The following CDK14 variants were observed in gnomAD, a reference collection of about 807,000 sequenced individuals.
CDK14 encodes cyclin dependent kinase 14.
A neutral mutation model predicts 60.7 loss-of-function variants in CDK14; 34 were observed. The ratio of observed to expected loss-of-function variants is 0.56; its 90% CI spans 0.43 to 0.75. The LOEUF (loss-of-function observed/expected upper bound fraction) is 0.75, where lower values mean the gene tolerates loss of function less well. Among genes scored for constraint, CDK14 ranks in the 30% least tolerant of loss-of-function variants. CDK14 has a pLI of 0.00. For synonymous variants in CDK14, 197 were observed against 203.7 expected, an observed-to-expected ratio of 0.97 and a Z score of 0.28; for missense variants, 482 against 564.1, an observed-to-expected ratio of 0.85 and a Z score of 1.47.
intron 14 of CDK14, among the ~76,000 whole-genome samples, chr7:91,182,967 A>C (rs1802048963): frequency 6.6e-6 from 1 of 152,242 alleles, no homozygotes; most frequent in Non-Finnish European, 1.5e-5. Context: ...AGAGCTTTCC[A>C]AGGCATATCC....
At chr7:90,975,752 CT>C (rs1795052275) in intron 9 of CDK14, among the ~76,000 whole-genome samples, 1 of 151,998 alleles carries the variant, frequency 6.6e-6, no homozygotes, top group South Asian at 2.1e-4. Context: ...ATGACATTGA[CT>C]TTTTTTAGCT....
At chr7:90,984,738 T>C (rs531593192) in intron 10 of CDK14, among the ~76,000 whole-genome samples, 1 of 152,338 alleles carries the variant, frequency 6.6e-6, no homozygotes, top group East Asian at 1.9e-4. Context: ...TAGTGGGCTG[T>C]ACCCTTGATA....
rs183168732 is a variant in CDK14, at chr7:90,679,930, T to C, written c.124-46637T>C. On this transcript the variant is annotated intron_variant, in intron 2 of 14. Coordinates refer to ENST00000380050, the MANE Select transcript of CDK14 (RefSeq NM_001287135.2). Reference sequence around the variant, plus strand: ...GAATGTCTCCAACTCAAAAATGTGTTGTGGCTCTCGGAGACTATTGTCTTC... The same window carrying C: ...GAATGTCTCCAACTCAAAAATGTGTCGTGGCTCTCGGAGACTATTGTCTTC... 2.3e-3 allele frequency among the ~76,000 whole-genome samples: 355 copies of C among 152,324 alleles called. 1 individual carries two copies. Among genetic ancestry groups the C allele is most frequent in the African/African-American group, 8.1e-3 (336 of 41,592 alleles).
chr7:90,812,616 A>G (rs1789177117), intron 5 of CDK14, among the ~76,000 whole-genome samples: 1 of 152,166 alleles, frequency 6.6e-6, no homozygotes, highest in African/African-American at 2.4e-5. Context: ...TTAAAGTATA[A>G]TAATAATAAA....
chr7:90,726,858 G>A (rs1309685934), intron 3 of CDK14, 46 bp downstream of exon 3: 11 of 1,600,828 alleles, frequency 6.9e-6, no homozygotes, highest in Non-Finnish European at 9.4e-6. Flanking sequence ...AGAAGGAATA[G>A]CCTTCTTATG....
At chr7:90,663,339 C>T (rs1203140225) in intron 2 of CDK14, among the ~76,000 whole-genome samples, 1 of 152,166 alleles carries the variant, frequency 6.6e-6, no homozygotes, top group Non-Finnish European at 1.5e-5. Context: ...CCCTGTCTTT[C>T]ATACGGAGGG....
At chr7:91,022,184 TG>T (rs1036257981) in intron 10 of CDK14, among the ~76,000 whole-genome samples, 2 of 152,162 alleles carry the variant, frequency 1.3e-5, no homozygotes, top group African/African-American at 4.8e-5. Context: ...CCTGTCTCTT[TG>T]GGTGATATAT....
chr7:91,084,987 C>G (rs117809095), intron 12 of CDK14, among the ~76,000 whole-genome samples: 13 of 152,186 alleles, frequency 8.5e-5, no homozygotes, highest in African/African-American at 3.1e-4. Context: ...TAGGCTTTCT[C>G]GAAGTCTTCT....
intron 2 of CDK14, among the ~76,000 whole-genome samples, chr7:90,717,811 C>T (rs771889153): frequency 7.9e-5 from 12 of 151,894 alleles, no homozygotes; most frequent in African/African-American, 1.7e-4. Flanking sequence ...ATTTCATGCC[C>T]GGTCTTTTGT....
intron 3 of CDK14, among the ~76,000 whole-genome samples, chr7:90,740,564 G>A (rs2116777255): frequency 6.6e-6 from 1 of 152,234 alleles, no homozygotes; most frequent in South Asian, 2.1e-4. Flanking sequence ...CCATCTGCAA[G>A]CCAACGTGAG....
chr7:91,130,062 A>G (rs1226058731), intron 14 of CDK14, among the ~76,000 whole-genome samples: 2 of 152,188 alleles, frequency 1.3e-5, no homozygotes, highest in Non-Finnish European at 2.9e-5. Context: ...GTTTTGTTGT[A>G]CTGTAAAAGA....
At chr7:91,091,372 A>G (rs1363053537) in intron 12 of CDK14, among the ~76,000 whole-genome samples, 1 of 144,832 alleles carries the variant, frequency 6.9e-6, no homozygotes, top group African/African-American at 2.5e-5. Flanking sequence ...ATACATATAT[A>G]CATATATAAT....
intron 2 of CDK14, among the ~76,000 whole-genome samples, chr7:90,723,772 T>G (rs1286494849): frequency 6.6e-6 from 1 of 152,168 alleles, no homozygotes; most frequent in Non-Finnish European, 1.5e-5. Flanking sequence ...AACCTTGCAT[T>G]CGTGGGATTA....
chr7:91,210,340 A>ATT lies in CDK14; in HGVS notation c.*3212_*3213dup, dbSNP rs11406790. 15,427 of 151,392 alleles carry ATT rather than the reference A, an allele frequency of 0.1. 1,090 individuals carry two copies. Among genetic ancestry groups the ATT allele is most frequent in the East Asian group, 0.28 (1,450 of 5,152 alleles). 9.4% of individuals were successfully genotyped at this position (151,392 alleles called of 1,614,324 possible). A position where few individuals can be genotyped will look rare whatever the true frequency, so the allele number is the denominator to read the frequency against. On this transcript the variant is annotated 3_prime_UTR_variant, in exon 15 of 15. Coordinates refer to ENST00000380050, the MANE Select transcript of CDK14 (RefSeq NM_001287135.2). ...TTTTAAAGTTTTCCTTTTATCTTTT[A>ATT]TTTTTTTTTGTATGATGCACTGAGA...
intron 13 of CDK14, 58 bp downstream of exon 13, chr7:91,112,739 A>G: frequency 6.3e-7 from 1 of 1,580,502 alleles, no homozygotes; most frequent in South Asian, 1.1e-5. Context: ...TTATTTTGGC[A>G]TCTGTATGTA....
At chr7:90,800,241 G>A (rs891715789) in intron 5 of CDK14, among the ~76,000 whole-genome samples, 2 of 151,786 alleles carry the variant, frequency 1.3e-5, no homozygotes, top group Admixed American at 6.6e-5. Context: ...TGTGGTACCA[G>A]GAAGGCAGAG....
intron 5 of CDK14, among the ~76,000 whole-genome samples, chr7:90,823,735 C>T (rs1285936100): frequency 6.6e-6 from 1 of 152,126 alleles, no homozygotes; most frequent in Non-Finnish European, 1.5e-5. Flanking sequence ...ATGCCCTCTC[C>T]CTGTGCCAAG....
intron 2 of CDK14, among the ~76,000 whole-genome samples, chr7:90,627,547 A>G (rs1799902988): frequency 1.3e-5 from 2 of 152,194 alleles, no homozygotes; most frequent in African/African-American, 2.4e-5. Context: ...TCTTCTTACT[A>G]TAAAAAGCAT....
intron 14 of CDK14, among the ~76,000 whole-genome samples, chr7:91,134,124 G>T (rs978776695): frequency 2.6e-5 from 4 of 152,100 alleles, no homozygotes; most frequent in Admixed American, 2.6e-4. Context: ...GCTTTTTGTG[G>T]GGGGAGGGCA....
Sources: allele counts gnomAD v4.1 joint callset (sites outside exome capture counted in the v4.1 genomes callset), GRCh38; gene constraint gnomAD v4.1.1; transcripts MANE v1.5; gene names NCBI Gene and HGNC (gene_info 2026-07-23, HGNC 2026-07-21).